Variants in STRIP1 observed in about 807,000 individuals in gnomAD.
STRIP1 encodes striatin interacting protein 1, also known as striatin-interacting protein 1.
STRIP1 carries 63 observed loss-of-function variants against 106.2 expected under a neutral mutation model. That is an observed-to-expected ratio of 0.59 (90% CI 0.48 to 0.73). The LOEUF (loss-of-function observed/expected upper bound fraction) is 0.73. Among genes scored for constraint, STRIP1 ranks in the 30% least tolerant of loss-of-function variants. STRIP1 has a pLI of 0.00. For synonymous variants in STRIP1, 390 were observed against 413.0 expected, an observed-to-expected ratio of 0.94 and a Z score of 0.67; for missense variants, 857 against 1,074.8, an observed-to-expected ratio of 0.80 and a Z score of 2.83.
chr1:110,043,882 CAT>C, intron 10 of STRIP1, 26 bp downstream of exon 10: 2 of 1,602,440 alleles, frequency 1.2e-6, no homozygotes, highest in East Asian at 4.5e-5. Flanking sequence ...CCAGAGCACT[CAT>C]AGTTCCTGAG....
intron 2 of STRIP1, among the ~76,000 whole-genome samples, 169 bp from the exon 3 acceptor site, chr1:110,038,514 C>A (rs925758124): frequency 2.6e-5 from 4 of 152,152 alleles, no homozygotes; most frequent in Admixed American, 2.6e-4. Flanking sequence ...CTATTGTGCA[C>A]ATCAGAGCAC....
Position 110,046,699 on chromosome 1 carries a change from CA to C in STRIP1, c.1437del (p.Glu480ArgfsTer42), listed in dbSNP as rs1330677085. On this transcript the variant is annotated frameshift_variant, in exon 13 of 21. Transcript: ENST00000369795. LOFTEE classifies it high-confidence loss of function. Reference protein sequence around the residue: ...TLKQHKYTSIAEVQAQMEEEY... With the variant: ...TLKQHKYTSIXEVQAQMEEEY... ...CACCAGCACAAGTACACGTCGATTG[CA>C]GAGGTCCAGGCACAGATGGAGGAGG... 6.2e-7 allele frequency: 1 copy of C among 1,613,316 alleles called. No homozygotes were observed. The highest frequency in any genetic ancestry group is 8.5e-7 in the Non-Finnish European group (1 of 1,179,550).
intron 10 of STRIP1, among the ~76,000 whole-genome samples, chr1:110,044,443 G>A (rs1652922599): frequency 1.3e-5 from 2 of 152,168 alleles, no homozygotes; most frequent in African/African-American, 2.4e-5. Flanking sequence ...AAAATGCAAG[G>A]TATGCTGATT....
At chr1:110,049,660 C>A (rs1031604728) in intron 17 of STRIP1, 100 bp downstream of exon 17, 1 of 784,982 alleles carries the variant, frequency 1.3e-6, no homozygotes, top group Non-Finnish European at 2.1e-6. Context: ...ACCTACGAGC[C>A]AGCACTGTGC....
intron 18 of STRIP1, 91 bp from the exon 19 acceptor site, chr1:110,050,865 G>A (rs571304952): frequency 1.0e-4 from 78 of 761,704 alleles, no homozygotes; most frequent in Middle Eastern, 4.8e-4. Context: ...CTGGAGACCC[G>A]GCTGTCCTGA....
chr1:110,038,810 G>T, intron 3 of STRIP1, 53 bp downstream of exon 3: 1 of 1,542,396 alleles, frequency 6.5e-7, no homozygotes, highest in African/African-American at 1.4e-5. Flanking sequence ...AACGAGAGCT[G>T]CAGGTTTCTT....
At chr1:110,036,996 T>A (rs902136910) in intron 1 of STRIP1, among the ~76,000 whole-genome samples, 9 of 152,108 alleles carry the variant, frequency 5.9e-5, no homozygotes, top group African/African-American at 2.2e-4. Flanking sequence ...AATATATTTT[T>A]AAAAAATTTT....
chr1:110,051,554 G>A (rs763005341), intron 19 of STRIP1, 129 bp from the exon 20 acceptor site: 52 of 931,244 alleles, frequency 5.6e-5, no homozygotes, highest in Admixed American at 2.6e-4. Context: ...AAACTCTTCA[G>A]TCCAAGGGAA....
intron 5 of STRIP1, 196 bp downstream of exon 5, chr1:110,039,711 C>T (rs1053817835): frequency 1.9e-5 from 19 of 979,016 alleles, no homozygotes; most frequent in Non-Finnish European, 2.7e-5. Context: ...ATGACAGGTC[C>T]CTGCAGCTCC....
rs750861765 is a variant in STRIP1 at position 110,034,676 on chromosome 1, GAAC to G, written c.45_47del (p.Asn15del). 2.6e-6 allele frequency: 4 copies of G among 1,525,480 alleles called. No individual in the cohort carries two copies. The highest frequency in any genetic ancestry group is 3.5e-6 in the Non-Finnish European group (4 of 1,137,508). 94.5% of individuals were successfully genotyped at this position (1,525,480 alleles called of 1,614,324 possible). A position where few individuals can be genotyped will look rare whatever the true frequency, so the allele number is the denominator to read the frequency against. Reference sequence around the variant, plus strand: ...TCGGCGGTCCGGGCCCACTGATCGTGAACAACAAACAGCCCCAGCCCCCGCCAC... The same window carrying G: ...TCGGCGGTCCGGGCCCACTGATCGTGAACAAACAGCCCCAGCCCCCGCCAC... On this transcript the variant is annotated inframe_deletion, in exon 1 of 21. Coordinates refer to ENST00000369795, the MANE Select transcript of STRIP1 (RefSeq NM_033088.4).
intron 18 of STRIP1, 131 bp from the exon 19 acceptor site, chr1:110,050,825 C>T (rs1335961116): frequency 4.6e-6 from 3 of 654,404 alleles, no homozygotes; most frequent in Admixed American, 4.6e-5. Flanking sequence ...CCTGGGGCTG[C>T]TCTGAGAGCA....
At position 110,039,319 on chromosome 1, in the gene STRIP1, C is replaced by T; in HGVS notation, c.460+13C>T. ...TATGTTGCTCAAGGTATTGAGTGGACCTCCCCAGGGTTCCCTGGCACCTCT... is the reference window on the plus strand; with the variant it reads ...TATGTTGCTCAAGGTATTGAGTGGATCTCCCCAGGGTTCCCTGGCACCTCT... On this transcript the variant is annotated intron_variant, in intron 4 of 20. Coordinates refer to ENST00000369795, the MANE Select transcript of STRIP1 (RefSeq NM_033088.4). 1 of 1,614,056 alleles carries T rather than the reference C, an allele frequency of 6.2e-7. No homozygotes were observed. The highest frequency in any genetic ancestry group is 8.5e-7 in the Non-Finnish European group (1 of 1,179,974).
At chr1:110,034,605 C>A, upstream of STRIP1, 1 of 1,478,266 alleles carries the variant, frequency 6.8e-7, no homozygotes. Context: ...GGCGGCTGTG[C>A]GCGAGTTAAG....
At chr1:110,050,690 C>G (rs1045264802) in intron 18 of STRIP1, among the ~76,000 whole-genome samples, 3 of 152,192 alleles carry the variant, frequency 2.0e-5, no homozygotes, top group African/African-American at 7.2e-5. Context: ...ACACTGGACT[C>G]GGCAGTAGGA....
chr1:110,040,570 C>T (rs1339737922), intron 5 of STRIP1, 65 bp from the exon 6 acceptor site: 3 of 1,490,652 alleles, frequency 2.0e-6, no homozygotes, highest in Non-Finnish European at 2.7e-6. Flanking sequence ...TTGGTCAGTA[C>T]TTGTCAGGGA....
chr1:110,051,109 A>G, intron 19 of STRIP1, 49 bp downstream of exon 19: 1 of 1,287,802 alleles, frequency 7.8e-7, no homozygotes, highest in Non-Finnish European at 1.1e-6. Context: ...AGCTCAAAGA[A>G]GAGTGCTGGG....
chr1:110,047,449 T>C, intron 13 of STRIP1, 93 bp from the exon 14 acceptor site: 1 of 913,634 alleles, frequency 1.1e-6, no homozygotes, highest in African/African-American at 1.6e-5. Context: ...TGTACATCAC[T>C]GTTTACAGGT....
Position 110,051,686 on chromosome 1 carries a change from C to A in STRIP1, c.2065C>A (p.Leu689Met). Reference sequence around the variant, plus strand: ...GCTTGCTTGTTTCCCTTCCCAGATGCTGGTGGTGTTCAAGTCAGCCCCCAT... The same window carrying A: ...GCTTGCTTGTTTCCCTTCCCAGATGATGGTGGTGTTCAAGTCAGCCCCCAT... ...TKWKHSRTMMLVVFKSAPILK... is the reference protein window; with the variant it reads ...TKWKHSRTMMMVVFKSAPILK... Residue 689 changes from leucine to methionine, a missense_variant, in exon 20 of 21, where the codon CTG becomes ATG. Physicochemically the swap from Leu to Met is conservative, Grantham distance 15 (BLOSUM62 2). Transcript: ENST00000369795. 1 of 1,602,212 alleles carries A rather than the reference C, an allele frequency of 6.2e-7. No individual in the cohort carries two copies. Among genetic ancestry groups the A allele is most frequent in the East Asian group, 2.2e-5 (1 of 44,516 alleles).
intron 1 of STRIP1, 108 bp from the exon 2 acceptor site, chr1:110,037,783 A>G (rs1226814887): frequency 4.0e-6 from 3 of 741,806 alleles, no homozygotes; most frequent in Non-Finnish European, 2.3e-6. Flanking sequence ...AAAAAACATA[A>G]AAAAGTGGAG....
Sources: allele counts gnomAD v4.1 joint callset (sites outside exome capture counted in the v4.1 genomes callset), GRCh38; gene constraint gnomAD v4.1.1; transcripts MANE v1.5; gene names NCBI Gene and HGNC (gene_info 2026-07-23, HGNC 2026-07-21).